MYRFL: variants seen among roughly 807,000 people sequenced by gnomAD.
MYRFL encodes the protein myelin regulatory factor like, also known as myelin regulatory factor-like protein.
A neutral mutation model predicts 109.4 loss-of-function variants in MYRFL; 88 were observed. The ratio of observed to expected loss-of-function variants is 0.80; its 90% confidence interval spans 0.68 to 0.96. The LOEUF is 0.96. Ranked by LOEUF, MYRFL falls within the 40% of genes least tolerant of loss-of-function variation. The probability of loss-of-function intolerance (pLI) is 0.00; values close to 1 mark genes in which losing one functional copy is unlikely to be tolerated. For missense variants in MYRFL, 957 were observed against 954.9 expected (o/e 1.00, Z -0.03); for synonymous variants, 324 against 320.9 (o/e 1.01, Z -0.10).
At chr12:69,917,711 G>A (rs563875776) in intron 13 of MYRFL, among the ~76,000 whole-genome samples, 210 of 152,148 alleles carry the variant, frequency 1.4e-3, no homozygotes, top group African/African-American at 4.2e-3. Context: ...GTGCTGTGTT[G>A]ATTAGTACAG....
intron 10 of MYRFL, among the ~76,000 whole-genome samples, chr12:69,900,971 T>C (rs1353080030): frequency 1.3e-5 from 2 of 152,194 alleles, no homozygotes; most frequent in African/African-American, 4.8e-5. Context: ...TTCATCCTCA[T>C]TTTTGCAAAC....
Position 69,895,387 on chromosome 12 carries a change from G to C in MYRFL, c.997G>C (p.Asp333His). Residue 333 changes from aspartate to histidine, a missense_variant, in exon 9 of 25, where the codon GAC becomes CAC. Transcript: ENST00000552032. The stretch of plus-strand genomic sequence containing the variant: ...TTGTTTTAGAATTGACCTACTGGCT[G>C]ACCAGGTCACCAAAGTAACACTGGG... ...FNPVKIDLLADQVTKVTLGRL... is the reference protein window; with the variant it reads ...FNPVKIDLLAHQVTKVTLGRL... The C allele has an allele frequency of 1.3e-6, 2 of 1,534,148 alleles. No individual in the cohort carries two copies. Among genetic ancestry groups the C allele is most frequent in the Non-Finnish European group, 1.7e-6 (2 of 1,145,894 alleles).
intron 1 of MYRFL, among the ~76,000 whole-genome samples, chr12:69,834,418 A>G (rs960666785): frequency 6.6e-6 from 1 of 152,168 alleles, no homozygotes; most frequent in Non-Finnish European, 1.5e-5. Context: ...CTAATGGTGT[A>G]TGCCTTGTTT....
intron 15 of MYRFL, among the ~76,000 whole-genome samples, chr12:69,928,914 G>A (rs183420511): frequency 1.2e-3 from 184 of 152,264 alleles, no homozygotes; most frequent in African/African-American, 4.3e-3. Flanking sequence ...GGTGCAGTTT[G>A]GTCACCTGCA....
At chr12:69,856,870 T>C (rs1488405389) in intron 2 of MYRFL, among the ~76,000 whole-genome samples, 1 of 151,980 alleles carries the variant, frequency 6.6e-6, no homozygotes, top group African/African-American at 2.4e-5. Flanking sequence ...TAACAGTGTT[T>C]TTCTCAGAGC....
intron 2 of MYRFL, among the ~76,000 whole-genome samples, chr12:69,857,999 T>C (rs1325436811): frequency 6.6e-6 from 1 of 151,890 alleles, no homozygotes; most frequent in African/African-American, 2.4e-5. Flanking sequence ...TGATACTTTT[T>C]TTTTAACCAT....
chr12:69,891,731 C>A, intron 7 of MYRFL, among the ~76,000 whole-genome samples: 1 of 105,608 alleles, frequency 9.5e-6, no homozygotes. Flanking sequence ...CATGGTCTTG[C>A]TCTGTCACCC....
chr12:69,948,120 C>A (rs1048250896), intron 19 of MYRFL, among the ~76,000 whole-genome samples: 20 of 152,260 alleles, frequency 1.3e-4, no homozygotes, highest in African/African-American at 4.8e-4. Flanking sequence ...CTAGAAGGTG[C>A]TGAAAGTATG....
chr12:69,840,945 C>G (rs1479620378), intron 1 of MYRFL, among the ~76,000 whole-genome samples: 3 of 152,240 alleles, frequency 2.0e-5, no homozygotes, highest in Non-Finnish European at 2.9e-5. Context: ...TCTCAATTAT[C>G]AGGCACATAA....
intron 1 of MYRFL, among the ~76,000 whole-genome samples, chr12:69,831,247 T>C (rs1386266444): frequency 6.6e-6 from 1 of 152,152 alleles, no homozygotes; most frequent in African/African-American, 2.4e-5. Flanking sequence ...TTTTTGCAAA[T>C]AAACTTTTAC....
chr12:69,925,071 G>C (rs1374500547), intron 13 of MYRFL, among the ~76,000 whole-genome samples: 1 of 152,220 alleles, frequency 6.6e-6, no homozygotes, highest in African/African-American at 2.4e-5. Flanking sequence ...CAAATGGCCA[G>C]GTGATAGAAT....
chr12:69,872,623 C>G (rs937907417), intron 2 of MYRFL, among the ~76,000 whole-genome samples: 1 of 152,098 alleles, frequency 6.6e-6, no homozygotes, highest in African/African-American at 2.4e-5. Flanking sequence ...GCCTCAGCCT[C>G]GTGAGTAGCT....
intron 19 of MYRFL, among the ~76,000 whole-genome samples, chr12:69,951,516 C>G (rs1024234917): frequency 2.0e-5 from 3 of 151,356 alleles, no homozygotes; most frequent in Non-Finnish European, 4.4e-5. Context: ...CAACCTCCGC[C>G]TCCCAGGTTC....
chr12:69,881,091 G>A (rs1356701457), intron 5 of MYRFL, among the ~76,000 whole-genome samples: 1 of 150,536 alleles, frequency 6.6e-6, no homozygotes, highest in African/African-American at 2.5e-5. Flanking sequence ...GCACATACTA[G>A]GGGAAAAGGA....
intron 19 of MYRFL, among the ~76,000 whole-genome samples, chr12:69,943,571 A>G (rs973479463): frequency 1.3e-5 from 2 of 151,738 alleles, no homozygotes; most frequent in Non-Finnish European, 2.9e-5. Context: ...ACCTAAAACC[A>G]TAAAAACCCT....
At chr12:69,887,004 A>G (rs1269780863) in intron 6 of MYRFL, 34 bp downstream of exon 6, 1 of 1,533,098 alleles carries the variant, frequency 6.5e-7, no homozygotes, top group South Asian at 1.2e-5. Flanking sequence ...GAGTGAGGGG[A>G]GAAAGACAGT....
intron 10 of MYRFL, among the ~76,000 whole-genome samples, chr12:69,902,616 T>C (rs1486151499): frequency 6.6e-6 from 1 of 152,220 alleles, no homozygotes; most frequent in Non-Finnish European, 1.5e-5. Flanking sequence ...CACAACTGTT[T>C]ATCTAAAGTT....
rs1212122118 is a variant in MYRFL at position 69,880,574 on chromosome 12, C to A, written c.556+282C>A. 3.9e-5 allele frequency among the ~76,000 whole-genome samples: 6 copies of A among 152,336 alleles called. No individual in the cohort carries two copies. In the South Asian group the frequency reaches 1.2e-3, roughly 32 times the overall value. Reference sequence around the variant, plus strand: ...TGTCTCAGAGGATTCAGGCTCCAGGCCTGTGGAAGCTGTGCAGTATGGCAG... The same window carrying A: ...TGTCTCAGAGGATTCAGGCTCCAGGACTGTGGAAGCTGTGCAGTATGGCAG... On this transcript the variant is annotated intron_variant, in intron 5 of 24. Coordinates refer to ENST00000552032, the MANE Select transcript of MYRFL (RefSeq NM_182530.3).
chr12:69,838,912 G>C (rs1373559004), intron 1 of MYRFL, among the ~76,000 whole-genome samples: 1 of 152,174 alleles, frequency 6.6e-6, no homozygotes, highest in Non-Finnish European at 1.5e-5. Flanking sequence ...TCCCTTCTTA[G>C]TTTGAATCCC....
Sources: gnomAD v4.1 joint callset for allele counts (sites outside exome capture counted in the v4.1 genomes callset) on GRCh38, gnomAD v4.1.1 for gene constraint, MANE v1.5 for transcripts, NCBI Gene and HGNC (gene_info 2026-07-23, HGNC 2026-07-21) for gene names.